POLA1: variants seen among roughly 807,000 people sequenced by gnomAD.
POLA1 encodes the protein DNA polymerase alpha catalytic subunit.
Under a neutral mutation model 124.0 loss-of-function variants are expected in POLA1, and 15 were observed. The ratio of observed to expected loss-of-function variants is 0.12; its 90% CI spans 0.08 to 0.19. The LOEUF (loss-of-function observed/expected upper bound fraction) is 0.19, where lower values mean the gene tolerates loss of function less well. Ranked by LOEUF, POLA1 falls within the 10% of genes least tolerant of loss-of-function variation. The pLI, the probability that POLA1 is intolerant of heterozygous loss-of-function variation, is 1.00. For missense variants in POLA1, 886 were observed against 1,103.4 expected, an observed-to-expected ratio of 0.80 and a Z score of 2.79; for synonymous variants, 408 against 389.4, an observed-to-expected ratio of 1.05 and a Z score of -0.56.
rs186693322 is a variant in POLA1 at position 24,714,100 on chromosome X, G to C, written c.347-454G>C. ...AAAAACATTTGGCCCATGTTTTCTT[G>C]AATTAAACTCATTTAAAATATTTTT... On this transcript the variant is annotated intron_variant, in intron 4 of 36. Transcript: ENST00000379068. 2.7e-5 allele frequency among the ~76,000 whole-genome samples: 3 copies of C among 112,425 alleles called. No homozygotes were observed. In the Admixed American group the frequency reaches 2.8e-4, roughly 11 times the overall value.
intron 26 of POLA1, among the ~76,000 whole-genome samples, chrX:24,805,563 C>T (rs1394913053): frequency 8.9e-6 from 1 of 112,066 alleles, no homozygotes; most frequent in Non-Finnish European, 1.9e-5. Context: ...TAATTAAATA[C>T]TCTTTGTTCT....
chrX:24,974,840 G>A (rs756493608), intron 36 of POLA1, among the ~76,000 whole-genome samples: 21 of 111,784 alleles, frequency 1.9e-4, no homozygotes, highest in African/African-American at 6.2e-4. Flanking sequence ...CCCTAATATA[G>A]GGCTAGTGAG....
At chrX:24,889,173 C>G (rs1354131185) in intron 35 of POLA1, among the ~76,000 whole-genome samples, 1 of 111,310 alleles carries the variant, frequency 9.0e-6, no homozygotes, top group African/African-American at 3.3e-5. Flanking sequence ...CCCGGCCACT[C>G]AAGCCATTTT....
chrX:24,920,919 T>A (rs1161482061), intron 35 of POLA1, among the ~76,000 whole-genome samples: 1 of 112,433 alleles, frequency 8.9e-6, no homozygotes, highest in Non-Finnish European at 1.9e-5. Context: ...CAGCATTTCA[T>A]GCCAAGAAGT....
chrX:24,804,514 A>G (rs2045768318), intron 26 of POLA1, among the ~76,000 whole-genome samples: 1 of 112,061 alleles, frequency 8.9e-6, no homozygotes, highest in Non-Finnish European at 1.9e-5. Flanking sequence ...TCCTAAAGCC[A>G]TTGAGATTTC....
chrX:24,925,220 A>C (rs11573477), intron 35 of POLA1, among the ~76,000 whole-genome samples: 208 of 111,894 alleles, frequency 1.9e-3, no homozygotes, highest in South Asian at 9.1e-3. Context: ...GTTTTTTGGC[A>C]GCTGATTTTC....
intron 35 of POLA1, among the ~76,000 whole-genome samples, chrX:24,913,778 A>G (rs1348321254): frequency 2.7e-5 from 3 of 110,186 alleles, no homozygotes; most frequent in Non-Finnish European, 5.7e-5. Flanking sequence ...CTGTTATCCC[A>G]GCATCTTGGT....
intron 35 of POLA1, among the ~76,000 whole-genome samples, chrX:24,918,107 C>A (rs2047559767): frequency 9.4e-6 from 1 of 106,800 alleles, no homozygotes; most frequent in Admixed American, 1.0e-4. Context: ...CAAATGATAC[C>A]AAAAAGCAAA....
intron 4 of POLA1, among the ~76,000 whole-genome samples, chrX:24,711,300 C>T (rs192713511): frequency 2.1e-4 from 24 of 112,519 alleles, no homozygotes; most frequent in Admixed American, 1.9e-3. Flanking sequence ...CTTTCTTAAA[C>T]AAAAGATAAT....
At chrX:24,852,248 T>C (rs2046572393) in intron 34 of POLA1, among the ~76,000 whole-genome samples, 1 of 111,694 alleles carries the variant, frequency 9.0e-6, no homozygotes, top group Admixed American at 9.5e-5. Context: ...CACTGGTGTT[T>C]TTCAAATGGT....
At chrX:24,913,227 T>C (rs2047476223) in intron 35 of POLA1, among the ~76,000 whole-genome samples, 1 of 112,111 alleles carries the variant, frequency 8.9e-6, no homozygotes, top group Admixed American at 9.5e-5. Flanking sequence ...GCTGAGTGGA[T>C]AAGCCAAGAC....
chrX:24,854,617 G>A (rs1274355848), intron 34 of POLA1, among the ~76,000 whole-genome samples: 1 of 111,073 alleles, frequency 9.0e-6, no homozygotes, highest in African/African-American at 3.3e-5. Context: ...ATCACCTCAC[G>A]TCAGGGGTTG....
chrX:24,800,089 T>C (rs1435147357), intron 26 of POLA1, among the ~76,000 whole-genome samples: 2 of 111,747 alleles, frequency 1.8e-5, no homozygotes, highest in African/African-American at 6.5e-5. Flanking sequence ...TTTTCACATA[T>C]ACATGTTTCT....
chrX:24,982,665 CT>C (rs895427974), intron 36 of POLA1, among the ~76,000 whole-genome samples: 11 of 110,554 alleles, frequency 9.9e-5, no homozygotes, highest in Non-Finnish European at 2.1e-4. Context: ...TTTATCTTCA[CT>C]TTTCAACCAC....
intron 26 of POLA1, among the ~76,000 whole-genome samples, chrX:24,753,906 T>C (rs1465030815): frequency 8.9e-6 from 1 of 112,569 alleles, no homozygotes; most frequent in Non-Finnish European, 1.9e-5. Flanking sequence ...CCTGATAGGC[T>C]GAAATAAGCT....
chrX:24,991,386 T>C (rs2048534055), intron 36 of POLA1, among the ~76,000 whole-genome samples: 1 of 112,795 alleles, frequency 8.9e-6, no homozygotes, highest in Non-Finnish European at 1.9e-5. Flanking sequence ...GGTGACTCTT[T>C]TGCCACTGAA....
intron 35 of POLA1, among the ~76,000 whole-genome samples, chrX:24,918,999 G>A (rs1021038635): frequency 5.4e-5 from 6 of 111,764 alleles, no homozygotes; most frequent in African/African-American, 2.0e-4. Context: ...CTCCAACATT[G>A]GGGATCACAT....
At position 24,944,526 on chromosome X, in the gene POLA1, A is replaced by C. The variant is rs191897918; in HGVS notation, c.4261+13977A>C. ...TCAGGAAACTTTTTTCCTTCTTTCA[A>C]CCTGAAATATCATCTCTTTAGATTT... On this transcript the variant is annotated intron_variant, in intron 36 of 36. Coordinates refer to ENST00000379068, the MANE Select transcript of POLA1 (RefSeq NM_001330360.2). 2.7e-5 allele frequency among the ~76,000 whole-genome samples: 3 copies of C among 111,994 alleles called. No homozygotes were observed. In the East Asian group the frequency reaches 8.4e-4, roughly 31 times the overall value.
chrX:24,813,371 A>G (rs2045935561), intron 29 of POLA1, among the ~76,000 whole-genome samples: 1 of 111,793 alleles, frequency 8.9e-6, no homozygotes, highest in Non-Finnish European at 1.9e-5. Context: ...ACTAATACCA[A>G]GTTAAGGGCT....
Sources: allele counts gnomAD v4.1 joint callset (sites outside exome capture counted in the v4.1 genomes callset), GRCh38; gene constraint gnomAD v4.1.1; transcripts MANE v1.5; gene names NCBI Gene and HGNC (gene_info 2026-07-23, HGNC 2026-07-21).